ZNF69: variants seen among roughly 807,000 people sequenced by gnomAD.
The protein encoded by ZNF69 is zinc finger protein 69.
Under a neutral mutation model 50.9 loss-of-function variants are expected in ZNF69, and 47 were observed. The observed-to-expected ratio is 0.92, with a 90% CI of 0.73 to 1.18. The LOEUF (loss-of-function observed/expected upper bound fraction) is 1.18, where lower values mean the gene tolerates loss of function less well. ZNF69 is among the 50% of genes most tolerant of loss of function. ZNF69 has a pLI of 0.00. For synonymous variants in ZNF69, 216 were observed against 223.1 expected (o/e 0.97, Z 0.29); for missense variants, 717 against 675.1 (o/e 1.06, Z -0.69).
At chr19:11,948,064 A>G in the ZNF69 span, among the ~76,000 whole-genome samples, 1 of 152,240 alleles carries the variant, frequency 6.6e-6, no homozygotes, top group African/African-American at 2.4e-5. Flanking sequence ...ACATGGGAAT[A>G]CTATTAAGAA....
intron 2 of ZNF69, 94 bp from the exon 3 acceptor site, chr19:11,903,811 A>T: frequency 6.2e-7 from 1 of 1,603,328 alleles, no homozygotes; most frequent in East Asian, 2.2e-5. Flanking sequence ...TGAATAAATG[A>T]GGTATGGCTG....
At chr19:11,944,621 AC>A in the ZNF69 span, among the ~76,000 whole-genome samples, 11 of 152,176 alleles carry the variant, frequency 7.2e-5, no homozygotes, top group African/African-American at 2.7e-4. Flanking sequence ...ATAAGCTTCC[AC>A]CCACCCAGAG....
At chr19:11,950,310 C>T in the ZNF69 span, 2 of 1,539,828 alleles carry the variant, frequency 1.3e-6, no homozygotes, top group Admixed American at 2.1e-5. Context: ...ACTATGAATG[C>T]AAGCAATGTG....
chr19:11,903,195 G>A (rs183185150), intron 1 of ZNF69, among the ~76,000 whole-genome samples: 1,733 of 152,158 alleles, frequency 0.011, 14 homozygotes, highest in Non-Finnish European at 0.017. Flanking sequence ...AGCACTTTGG[G>A]AGGCTGAGGC....
At chr19:11,955,396 C>CTTTTTT in the ZNF69 span, among the ~76,000 whole-genome samples, 1 of 132,242 alleles carries the variant, frequency 7.6e-6, no homozygotes, top group African/African-American at 2.7e-5. Flanking sequence ...TTCTTTCTTT[C>CTTTTTT]TTTTTTTTTT....
At chr19:11,971,347 C>G in the ZNF69 span, among the ~76,000 whole-genome samples, 2 of 152,140 alleles carry the variant, frequency 1.3e-5, no homozygotes, top group African/African-American at 4.8e-5. Flanking sequence ...CCTTTATGCT[C>G]TCATCTAATC....
At position 11,900,288 on chromosome 19, in the gene ZNF69, G is replaced by A. The variant is rs569777261; in HGVS notation, c.64-3285G>A. On this transcript the variant is annotated intron_variant, in intron 1 of 3. Transcript: ENST00000429654. Reference sequence around the variant, plus strand: ...TGCTCTTTAATAACATGTAATGTAGGGCATCCTGTCATATGTTTGTTTGCC... The same window carrying A: ...TGCTCTTTAATAACATGTAATGTAGAGCATCCTGTCATATGTTTGTTTGCC... 5.1e-4 allele frequency among the ~76,000 whole-genome samples: 78 copies of A among 152,092 alleles called. 2 individuals carry two copies. In the Middle Eastern group the frequency reaches 0.014, roughly 27 times the overall value.
intron 1 of ZNF69, among the ~76,000 whole-genome samples, chr19:11,892,529 A>T (rs1340698052): frequency 1.3e-5 from 2 of 152,110 alleles, no homozygotes; most frequent in Non-Finnish European, 2.9e-5. Context: ...AGGCTGAGGC[A>T]GGTGGATGGC....
At chr19:11,944,457 A>T in the ZNF69 span, among the ~76,000 whole-genome samples, 43 of 152,282 alleles carry the variant, frequency 2.8e-4, no homozygotes, top group Middle Eastern at 6.8e-3. Flanking sequence ...TGCAGTATCC[A>T]TGTGATCCCC....
At chr19:11,941,501 T>C in the ZNF69 span, among the ~76,000 whole-genome samples, 1 of 152,202 alleles carries the variant, frequency 6.6e-6, no homozygotes, top group Non-Finnish European at 1.5e-5. Context: ...CTGGCACTAC[T>C]GGGGGACCCA....
chr19:11,976,910 G>A, the ZNF69 span: 21 of 1,534,776 alleles, frequency 1.4e-5, no homozygotes, highest in Non-Finnish European at 1.7e-5. Context: ...CAGAAAGCGA[G>A]AAAGGGATGT....
intron 1 of ZNF69, among the ~76,000 whole-genome samples, chr19:11,891,218 C>G (rs1977077932): frequency 6.6e-6 from 1 of 151,838 alleles, no homozygotes. Flanking sequence ...TTCTAGTCAG[C>G]AGTTCGAGAC....
the ZNF69 span, among the ~76,000 whole-genome samples, chr19:11,934,834 T>C: frequency 6.8e-6 from 1 of 147,672 alleles, no homozygotes; most frequent in Non-Finnish European, 1.5e-5. Flanking sequence ...CCTGTTTTCA[T>C]TTCGCTCTTT....
the ZNF69 span, among the ~76,000 whole-genome samples, chr19:11,969,949 C>T: frequency 7.9e-5 from 12 of 152,074 alleles, no homozygotes; most frequent in African/African-American, 2.4e-4. Flanking sequence ...TTAGAATTGC[C>T]TGGGGCTGGC....
the ZNF69 span, among the ~76,000 whole-genome samples, chr19:11,964,620 G>A: frequency 2.0e-5 from 3 of 152,132 alleles, no homozygotes; most frequent in African/African-American, 4.8e-5. Context: ...GCCCGCTCAA[G>A]GACATGTGCC....
chr19:11,976,898 T>G, the ZNF69 span: 4 of 1,523,630 alleles, frequency 2.6e-6, no homozygotes, highest in African/African-American at 5.6e-5. Context: ...TGGAAGAAAG[T>G]ACAGAAAGCG....
downstream of ZNF69, among the ~76,000 whole-genome samples, chr19:11,907,641 C>T (rs1477778698): frequency 5.9e-5 from 9 of 152,212 alleles, no homozygotes; most frequent in East Asian, 1.2e-3. Context: ...TTGTCACCAC[C>T]AGGCCTGCTG....
the ZNF69 span, among the ~76,000 whole-genome samples, chr19:11,922,398 T>C: frequency 6.6e-6 from 1 of 152,176 alleles, no homozygotes; most frequent in South Asian, 2.1e-4. Context: ...TGGATATGAA[T>C]CGTCTGAGCC....
chr19:11,891,595 A>G (rs1375079020), intron 1 of ZNF69, among the ~76,000 whole-genome samples: 2 of 152,208 alleles, frequency 1.3e-5, no homozygotes, highest in African/African-American at 4.8e-5. Context: ...ATGGGGGCTG[A>G]CAGCATCACA....
Sources: gnomAD v4.1 joint callset for allele counts (sites outside exome capture counted in the v4.1 genomes callset) on GRCh38, gnomAD v4.1.1 for gene constraint, MANE v1.5 for transcripts, NCBI Gene and HGNC (gene_info 2026-07-23, HGNC 2026-07-21) for gene names.